The following SMCHD1 variants were observed in gnomAD, a reference collection of about 807,000 sequenced individuals.
SMCHD1 encodes the protein structural maintenance of chromosomes flexible hinge domain containing 1.
Under a neutral mutation model 254.7 loss-of-function variants are expected in SMCHD1, and 78 were observed. That is an observed-to-expected ratio of 0.31 (90% confidence interval 0.26 to 0.37). SMCHD1 has a LOEUF of 0.37. SMCHD1 is among the 10% of genes least tolerant of loss of function. The pLI is 1.00. For missense variants in SMCHD1, 1,840 were observed against 2,408.1 expected (o/e 0.76, Z 4.94); for synonymous variants, 766 against 794.9 (o/e 0.96, Z 0.61).
chr18:2,714,519 A>C (rs983856981), intron 17 of SMCHD1, among the ~76,000 whole-genome samples: 6 of 151,970 alleles, frequency 3.9e-5, no homozygotes, highest in Non-Finnish European at 8.8e-5. Flanking sequence ...TAATGTTGTT[A>C]TCTAGTTGCT....
chr18:2,724,116 C>T (rs1220903924), intron 20 of SMCHD1, among the ~76,000 whole-genome samples: 1 of 148,790 alleles, frequency 6.7e-6, no homozygotes, highest in Non-Finnish European at 1.5e-5. Flanking sequence ...TGCCATCTTT[C>T]CCAGGGGATT....
At chr18:2,790,782 C>G (rs904621299) in intron 45 of SMCHD1, among the ~76,000 whole-genome samples, 3 of 152,024 alleles carry the variant, frequency 2.0e-5, no homozygotes, top group African/African-American at 7.2e-5. Context: ...TACCACAGTA[C>G]AGGTAGAAGA....
chr18:2,692,637 C>T (rs2074204892), intron 7 of SMCHD1, among the ~76,000 whole-genome samples: 1 of 152,148 alleles, frequency 6.6e-6, no homozygotes. Context: ...TATCGTATGT[C>T]CTAAAACTAC....
rs377447237 is a variant in SMCHD1 at position 2,728,465 on chromosome 18, C to T, written c.2782C>T (p.Arg928Cys). 9.3e-6 allele frequency: 15 copies of T among 1,612,344 alleles called. No homozygotes were observed. Among genetic ancestry groups the T allele is most frequent in the African/African-American group, 1.3e-5 (1 of 74,828 alleles). ...GTATAATTTACTGTTAGGTCACCCTCGTCGACTGAAAGTGAAACCTGATTC... is the reference window on the plus strand; with the variant it reads ...GTATAATTTACTGTTAGGTCACCCTTGTCGACTGAAAGTGAAACCTGATTC... ...LKIRLLPGHP[R>C]RLKVKPDSEI... Residue 928 changes from arginine (R) to cysteine (C), a missense_variant, in exon 23 of 48, where the codon CGT (arginine) becomes TGT (cysteine). This residue lies in a region of SMCHD1 where 881 missense variants were observed against 1,009.5 expected (regional missense o/e 0.87). Transcript: ENST00000320876.
intron 37 of SMCHD1, among the ~76,000 whole-genome samples, chr18:2,769,402 G>A (rs752129706): frequency 3.3e-5 from 5 of 152,144 alleles, no homozygotes; most frequent in Non-Finnish European, 7.4e-5. Context: ...CATCTCTAAT[G>A]TGAAGGAAAT....
At chr18:2,749,414 AT>A (rs1014220354) in intron 30 of SMCHD1, among the ~76,000 whole-genome samples, 2 of 152,198 alleles carry the variant, frequency 1.3e-5, no homozygotes, top group African/African-American at 2.4e-5. Flanking sequence ...TTAGACAATG[AT>A]TACTTTCAAC....
intron 17 of SMCHD1, among the ~76,000 whole-genome samples, chr18:2,717,150 C>T (rs182680769): frequency 9.2e-5 from 14 of 152,260 alleles, no homozygotes; most frequent in Non-Finnish European, 7.3e-5. Context: ...ATTTGTACCA[C>T]CCAGGTCTGG....
intron 8 of SMCHD1, among the ~76,000 whole-genome samples, chr18:2,695,988 C>T (rs933827163): frequency 3.3e-5 from 5 of 152,138 alleles, no homozygotes; most frequent in Non-Finnish European, 4.4e-5. Flanking sequence ...TACATTAACA[C>T]ATAATTTAAA....
chr18:2,722,684 G>A (rs2074950852), intron 20 of SMCHD1, 21 bp downstream of exon 20: 4 of 1,576,844 alleles, frequency 2.5e-6, no homozygotes, highest in African/African-American at 1.4e-5. Flanking sequence ...GGATCAATAT[G>A]TATTTGTCCT....
chr18:2,678,243 C>CTT (rs1568115051), intron 5 of SMCHD1, among the ~76,000 whole-genome samples: 39 of 41,596 alleles, frequency 9.4e-4, no homozygotes, highest in East Asian at 8.3e-3. Context: ...TTCTTTCTTT[C>CTT]GTTCTTTCTT....
chr18:2,770,198 C>T (rs1487624721), intron 39 of SMCHD1, 90 bp downstream of exon 39: 3 of 1,323,030 alleles, frequency 2.3e-6, no homozygotes, highest in African/African-American at 3.0e-5. Flanking sequence ...TTCCACTTTC[C>T]TAAATTACAA....
chr18:2,690,996 G>T (rs553370294), intron 7 of SMCHD1, among the ~76,000 whole-genome samples: 18 of 149,246 alleles, frequency 1.2e-4, no homozygotes, highest in Non-Finnish European at 2.2e-4. Flanking sequence ...ATTAGTTGAT[G>T]GGTTGGATTT....
Position 2,777,829 on chromosome 18 carries a change from G to A in SMCHD1, c.5390G>A (p.Gly1797Glu), listed in dbSNP as rs1243536317. 1.3e-6 allele frequency: 2 copies of A among 1,539,172 alleles called. No homozygotes were observed. Among genetic ancestry groups the A allele is most frequent in the South Asian group, 1.2e-5 (1 of 81,124 alleles). ...WKRSLPHFRN[G>E]KLYFKPIGDP... is the part of the protein sequence containing the mutation. ...AGATCTCTACCTCATTTCCGAAATG[G>A]AAAATTGTATTTTAAACCCATTGGA... Residue 1797 changes from glycine (G) to glutamate (E), a missense_variant, in exon 43 of 48, where the codon GGA (glycine) becomes GAA (glutamate). Gly to Glu is a moderately conservative substitution (Grantham distance 98). This residue lies in a region of SMCHD1 where 114 missense variants were observed against 217.6 expected (regional missense o/e 0.52). Transcript: ENST00000320876.
chr18:2,679,497 A>AAAAAAAAAAAAAAC (rs1568120480), intron 5 of SMCHD1, among the ~76,000 whole-genome samples: 1 of 149,758 alleles, frequency 6.7e-6, no homozygotes. Context: ...AAAAAAAAAA[A>AAAAAAAAAAAAAAC]AAGGAACTCT....
At position 2,656,126 on chromosome 18, in the gene SMCHD1, G is replaced by T. The variant is rs753928122; in HGVS notation, c.51G>T (p.Glu17Asp). 1 of 1,486,938 alleles carries T rather than the reference G, an allele frequency of 6.7e-7. No homozygotes were observed. The highest frequency in any genetic ancestry group is 8.9e-7 in the Non-Finnish European group (1 of 1,120,670). The allele number at this position is 1,486,938 out of a possible 1,614,324, so 92.1% of individuals were successfully genotyped here. ...GGPGGASVGT[E>D]EDGGGVGHRT... Reference sequence around the variant, plus strand: ...CTGGTGGGGCCTCTGTGGGGACTGAGGAGGATGGCGGAGGCGTCGGCCACA... The same window carrying T: ...CTGGTGGGGCCTCTGTGGGGACTGATGAGGATGGCGGAGGCGTCGGCCACA... Residue 17 changes from glutamate (E) to aspartate (D), a missense_variant, in exon 1 of 48, where the codon GAG (glutamate) becomes GAT (aspartate). By Grantham distance (45) the Glu-to-Asp change is conservative. Coordinates refer to ENST00000320876, the MANE Select transcript of SMCHD1 (RefSeq NM_015295.3).
intron 14 of SMCHD1, 131 bp from the exon 15 acceptor site, chr18:2,706,233 A>G (rs2074510198): frequency 3.5e-6 from 2 of 569,864 alleles, no homozygotes; most frequent in South Asian, 2.7e-5. Flanking sequence ...TAACGTAAGA[A>G]TAGCTACTGT....
intron 37 of SMCHD1, among the ~76,000 whole-genome samples, chr18:2,764,752 C>T (rs982083944): frequency 1.3e-5 from 2 of 152,084 alleles, no homozygotes; most frequent in Admixed American, 6.6e-5. Flanking sequence ...TATGCAAATA[C>T]GACACCATTT....
In SMCHD1 at chr18:2,664,781, C is replaced by A. The variant is rs78579600; in HGVS notation, c.187-1376C>A. Among the ~76,000 whole-genome samples, 631 of 152,272 alleles carry A rather than the reference C, an allele frequency of 4.1e-3. 4 individuals are homozygous for A. Among genetic ancestry groups the A allele is most frequent in the African/African-American group, 0.015 (610 of 41,564 alleles). ...GGAAGTTTTGATCTGACTTGCCATTCCTCCTGTGTTTATTAGCTGGAATTC... is the reference window on the plus strand; with the variant it reads ...GGAAGTTTTGATCTGACTTGCCATTACTCCTGTGTTTATTAGCTGGAATTC... On this transcript the variant is annotated intron_variant, in intron 1 of 47. Coordinates refer to ENST00000320876, the MANE Select transcript of SMCHD1 (RefSeq NM_015295.3).
chr18:2,765,186 G>A (rs2075846305), intron 37 of SMCHD1, among the ~76,000 whole-genome samples: 1 of 151,962 alleles, frequency 6.6e-6, no homozygotes, highest in South Asian at 2.1e-4. Context: ...TTCATGAGAT[G>A]TTCTTTTGTT....
Sources: allele counts gnomAD v4.1 joint callset (sites outside exome capture counted in the v4.1 genomes callset), GRCh38; gene constraint gnomAD v4.1.1; regional missense constraint gnomAD v4.1.1; transcripts MANE v1.5; gene names NCBI Gene and HGNC (gene_info 2026-07-23, HGNC 2026-07-21).